The following MRAP2 variants were observed in gnomAD, a reference collection of about 807,000 sequenced individuals.
MRAP2 encodes melanocortin 2 receptor accessory protein 2.
A neutral mutation model predicts 17.4 loss-of-function variants in MRAP2; 20 were observed. That is an observed-to-expected ratio of 1.15 (90% CI 0.81 to 1.67). MRAP2 has a LOEUF of 1.67. MRAP2 is among the 40% of genes most tolerant of loss of function. The pLI is 0.00. For missense variants in MRAP2, 238 were observed against 240.0 expected (o/e 0.99, Z 0.05); for synonymous variants, 96 against 88.4 (o/e 1.09, Z -0.48).
At chr6:84,091,566 T>G (rs762867701), downstream of MRAP2, among the ~76,000 whole-genome samples, 3 of 152,176 alleles carry the variant, frequency 2.0e-5, no homozygotes, top group Non-Finnish European at 4.4e-5. Flanking sequence ...TGATTATTCA[T>G]AATTTATTTA....
chr6:84,073,141 C>T (rs2099496639), intron 3 of MRAP2, among the ~76,000 whole-genome samples: 1 of 152,192 alleles, frequency 6.6e-6, no homozygotes, highest in Admixed American at 6.5e-5. Flanking sequence ...AGATTTCCTT[C>T]TCCCTGTGGT....
chr6:84,078,998 C>A (rs557017997), intron 3 of MRAP2, among the ~76,000 whole-genome samples: 2 of 152,032 alleles, frequency 1.3e-5, no homozygotes, highest in Admixed American at 1.3e-4. Flanking sequence ...TTTGGAAAAC[C>A]CTTTGCAGTT....
intron 3 of MRAP2, among the ~76,000 whole-genome samples, chr6:84,084,679 G>T (rs1242810964): frequency 2.6e-5 from 4 of 151,942 alleles, no homozygotes; most frequent in Admixed American, 1.3e-4. Context: ...AGCCTAGAAG[G>T]CTCTATGTAT....
intron 3 of MRAP2, among the ~76,000 whole-genome samples, chr6:84,078,639 T>G (rs890822415): frequency 6.6e-6 from 1 of 152,210 alleles, no homozygotes; most frequent in South Asian, 2.1e-4. Context: ...GGCTTGGTGC[T>G]ATTCTCACAG....
intron 2 of MRAP2, 136 bp from the exon 3 acceptor site, chr6:84,062,757 C>G: frequency 6.8e-7 from 1 of 1,474,782 alleles, no homozygotes; most frequent in Admixed American, 2.1e-5. Flanking sequence ...TTATCAGTCT[C>G]CAGCCAACTG....
At chr6:84,074,822 G>A (rs2099497171) in intron 3 of MRAP2, among the ~76,000 whole-genome samples, 1 of 152,160 alleles carries the variant, frequency 6.6e-6, no homozygotes, top group Non-Finnish European at 1.5e-5. Flanking sequence ...GATGACAGGA[G>A]TTGAGATCCA....
the MRAP2 span, among the ~76,000 whole-genome samples, chr6:84,111,026 A>G: frequency 6.6e-6 from 1 of 152,170 alleles, no homozygotes; most frequent in Non-Finnish European, 1.5e-5. Flanking sequence ...GGTTGAAGCC[A>G]GATAGCATGA....
At chr6:84,137,051 G>A in the MRAP2 span, among the ~76,000 whole-genome samples, 3 of 152,226 alleles carry the variant, frequency 2.0e-5, no homozygotes, top group African/African-American at 7.2e-5. Flanking sequence ...AGAGATATCG[G>A]TTCTTGTGGA....
intron 1 of MRAP2, among the ~76,000 whole-genome samples, chr6:84,047,183 T>A (rs572224185): frequency 6.6e-5 from 10 of 152,036 alleles, no homozygotes; most frequent in Middle Eastern, 3.4e-3. Context: ...ATTTGTATTA[T>A]TTAATTAATT....
At chr6:84,107,557 A>G in the MRAP2 span, among the ~76,000 whole-genome samples, 1 of 152,230 alleles carries the variant, frequency 6.6e-6, no homozygotes, top group Non-Finnish European at 1.5e-5. Flanking sequence ...GGGAAAGGCA[A>G]TCAAGATCTT....
At chr6:84,117,103 AC>A in the MRAP2 span, among the ~76,000 whole-genome samples, 1 of 151,596 alleles carries the variant, frequency 6.6e-6, no homozygotes, top group African/African-American at 2.4e-5. Flanking sequence ...GCTCACTACA[AC>A]CTCTGATACC....
Position 84,033,836 on chromosome 6 carries a change from C to T in MRAP2, c.-55C>T. The T allele has an allele frequency of 1.0e-6, 1 of 975,730 alleles. No homozygotes were observed. Among genetic ancestry groups the T allele is most frequent in the Non-Finnish European group, 1.2e-6 (1 of 831,102 alleles). The allele number at this position is 975,730 out of a possible 1,614,324, so 60.4% of individuals were successfully genotyped here. Reference sequence around the variant, plus strand: ...CGGCGCTCGCGCACCTCGGAGGAGCCAGGAGCCGGAACCAGGGCCGAGCCC... The same window carrying T: ...CGGCGCTCGCGCACCTCGGAGGAGCTAGGAGCCGGAACCAGGGCCGAGCCC... On this transcript the variant is annotated 5_prime_UTR_variant, in exon 1 of 4. Coordinates refer to ENST00000257776, the MANE Select transcript of MRAP2 (RefSeq NM_138409.4).
the MRAP2 span, among the ~76,000 whole-genome samples, chr6:84,110,211 G>A: frequency 6.6e-6 from 1 of 152,186 alleles, no homozygotes; most frequent in Non-Finnish European, 1.5e-5. Context: ...CACCAACAAT[G>A]TAAAAGTGTT....
the MRAP2 span, among the ~76,000 whole-genome samples, chr6:84,143,634 AAG>A: frequency 2.0e-5 from 3 of 152,022 alleles, no homozygotes; most frequent in South Asian, 6.2e-4. Flanking sequence ...AGGAGAGAGA[AAG>A]AGAAAGTGAG....
the MRAP2 span, among the ~76,000 whole-genome samples, chr6:84,134,915 T>TACAC: frequency 0.011 from 803 of 74,062 alleles, 4 homozygotes; most frequent in African/African-American, 0.037. Context: ...GAAAAGATCA[T>TACAC]ATATACACAC....
chr6:84,080,813 G>T (rs2099498775), intron 3 of MRAP2, among the ~76,000 whole-genome samples: 2 of 152,158 alleles, frequency 1.3e-5, no homozygotes, highest in Admixed American at 1.3e-4. Flanking sequence ...CAGTTTTGAG[G>T]CATGAACCTG....
rs1221101866 is a variant in MRAP2, at chr6:84,090,585, A to G, written c.*1104A>G. Reference sequence around the variant, plus strand: ...CAGAACAAGAAAAATACTATTTGCCATGCTATTACCTTGGCAGATGTGTAG... The same window carrying G: ...CAGAACAAGAAAAATACTATTTGCCGTGCTATTACCTTGGCAGATGTGTAG... On this transcript the variant is annotated 3_prime_UTR_variant, in exon 4 of 4. Transcript: ENST00000257776. 2 of 152,180 alleles carry G rather than the reference A, an allele frequency of 1.3e-5. No homozygotes were observed. The highest frequency in any genetic ancestry group is 2.4e-5 in the African/African-American group (1 of 41,454). The allele number at this position is 152,180 out of a possible 1,614,324, so 9.4% of individuals were successfully genotyped here.
chr6:84,075,230 A>G (rs546061727), intron 3 of MRAP2, among the ~76,000 whole-genome samples: 3 of 152,212 alleles, frequency 2.0e-5, no homozygotes, highest in Admixed American at 1.3e-4. Context: ...CCCACAGCTC[A>G]TTAGTCAGAA....
chr6:84,133,668 C>T, the MRAP2 span, among the ~76,000 whole-genome samples: 7 of 152,176 alleles, frequency 4.6e-5, no homozygotes, highest in African/African-American at 7.2e-5. Context: ...CTGAGCCATG[C>T]GCGGGATATA....
Sources: allele counts gnomAD v4.1 joint callset (sites outside exome capture counted in the v4.1 genomes callset), GRCh38; gene constraint gnomAD v4.1.1; transcripts MANE v1.5; gene names NCBI Gene and HGNC (gene_info 2026-07-23, HGNC 2026-07-21).